Variants in CNTN5 observed in about 807,000 individuals in gnomAD.
The protein encoded by CNTN5 is contactin-5.
Under a neutral mutation model 129.1 loss-of-function variants are expected in CNTN5, and 77 were observed. The observed-to-expected ratio is 0.60, with a 90% CI of 0.50 to 0.72. CNTN5 has a LOEUF of 0.72. Ranked by LOEUF, CNTN5 falls within the 30% of genes least tolerant of loss-of-function variation. The pLI is 0.00. For missense variants in CNTN5, 1,478 were observed against 1,328.8 expected, an observed-to-expected ratio of 1.11 and a Z score of -1.75; for synonymous variants, 509 against 465.6, an observed-to-expected ratio of 1.09 and a Z score of -1.20.
intron 1 of CNTN5, among the ~76,000 whole-genome samples, chr11:99,188,711 G>A (rs1309691847): frequency 1.3e-5 from 2 of 151,554 alleles, no homozygotes; most frequent in Non-Finnish European, 3.0e-5. Context: ...ATGCTCGTTA[G>A]TATTTTTACT....
intron 3 of CNTN5, among the ~76,000 whole-genome samples, chr11:99,770,749 A>T (rs11827985): frequency 0.074 from 11,318 of 152,138 alleles, 753 homozygotes; most frequent in African/African-American, 0.18. Flanking sequence ...GTGATCTACA[A>T]GTTTAATGCA....
chr11:99,107,444 A>G (rs962755961), intron 1 of CNTN5, among the ~76,000 whole-genome samples: 3 of 152,150 alleles, frequency 2.0e-5, no homozygotes, highest in Admixed American at 2.0e-4. Context: ...AAGATTTTAC[A>G]TTACATATTT....
chr11:99,583,052 C>G (rs144580033), intron 3 of CNTN5, among the ~76,000 whole-genome samples: 6,259 of 152,328 alleles, frequency 0.041, 171 homozygotes, highest in South Asian at 0.087. Context: ...AGTCAGGACT[C>G]TCAGCTTCAG....
At chr11:99,672,606 A>C (rs1034130507) in intron 3 of CNTN5, among the ~76,000 whole-genome samples, 2 of 150,678 alleles carry the variant, frequency 1.3e-5, no homozygotes, top group African/African-American at 4.9e-5. Context: ...AGGAACTGAG[A>C]ATTCCAGAAG....
intron 15 of CNTN5, among the ~76,000 whole-genome samples, chr11:100,197,196 A>G (rs1948660825): frequency 6.6e-6 from 1 of 151,988 alleles, no homozygotes. Flanking sequence ...TTTTGGGAAC[A>G]GTGAGGAACC....
chr11:99,635,125 C>A (rs761509416), intron 3 of CNTN5, among the ~76,000 whole-genome samples: 1 of 152,140 alleles, frequency 6.6e-6, no homozygotes, highest in Non-Finnish European at 1.5e-5. Context: ...TTTTCACTTG[C>A]TATAATTGCT....
chr11:99,120,979 C>T (rs1337497823), intron 1 of CNTN5, among the ~76,000 whole-genome samples: 1 of 152,036 alleles, frequency 6.6e-6, no homozygotes, highest in Non-Finnish European at 1.5e-5. Flanking sequence ...TTACTTTCCA[C>T]CATAATTTTA....
At chr11:99,553,682 T>G (rs913880747) in intron 2 of CNTN5, among the ~76,000 whole-genome samples, 3 of 151,862 alleles carry the variant, frequency 2.0e-5, no homozygotes, top group African/African-American at 7.3e-5. Flanking sequence ...TTGATTTAAT[T>G]ATACTATATT....
intron 1 of CNTN5, among the ~76,000 whole-genome samples, chr11:99,080,193 A>G (rs1157246825): frequency 6.6e-6 from 1 of 152,210 alleles, no homozygotes; most frequent in East Asian, 1.9e-4. Flanking sequence ...ATTTAGCATA[A>G]GACTGTAAAG....
intron 9 of CNTN5, among the ~76,000 whole-genome samples, chr11:100,038,966 A>G (rs1028322254): frequency 6.6e-6 from 1 of 152,268 alleles, no homozygotes; most frequent in African/African-American, 2.4e-5. Context: ...TAGCCCATTT[A>G]CATTTAAGGT....
rs139765393 is a variant in CNTN5, at chr11:100,060,204, C to T, written c.981-1008C>T. On this transcript the variant is annotated intron_variant, in intron 9 of 24. Coordinates refer to ENST00000524871, the MANE Select transcript of CNTN5 (RefSeq NM_014361.4). The stretch of plus-strand genomic sequence containing the variant: ...CTTGGCGAAAGAGCAAGACTCTGTC[C>T]CAAAAAATATTAAAAAAAAAAAAAA... Among the ~76,000 whole-genome samples the T allele has an allele frequency of 8.3e-3, 1,212 of 145,910 alleles. 13 individuals carry two copies. The highest frequency in any genetic ancestry group is 0.025 in the African/African-American group (1,025 of 40,202).
intron 3 of CNTN5, among the ~76,000 whole-genome samples, chr11:99,772,059 A>C (rs910165085): frequency 8.8e-6 from 1 of 114,204 alleles, no homozygotes; most frequent in African/African-American, 3.8e-5. Context: ...GAACCTTAGA[A>C]ACTTCTGAGG....
intron 3 of CNTN5, among the ~76,000 whole-genome samples, chr11:99,637,295 A>G (rs1318372027): frequency 1.3e-5 from 2 of 152,238 alleles, no homozygotes; most frequent in Non-Finnish European, 2.9e-5. Context: ...CTTATAGCAT[A>G]TAAATGAATA....
Position 99,773,002 on chromosome 11 carries a change from AACTT to A in CNTN5, c.56-46536_56-46533del, listed in dbSNP as rs373248693. On this transcript the variant is annotated intron_variant, in intron 3 of 24. Transcript: ENST00000524871. ...GAGGTATAATATACACATAATGTAT[AACTT>A]ACTTATTATGCACAGGTGGTAAATT... 1.0e-3 allele frequency among the ~76,000 whole-genome samples: 153 copies of A among 152,226 alleles called. 1 individual carries two copies. Among genetic ancestry groups the A allele is most frequent in the East Asian group, 5.8e-3 (30 of 5,178 alleles).
chr11:99,848,580 A>T (rs1448541924), intron 6 of CNTN5, among the ~76,000 whole-genome samples: 3 of 152,158 alleles, frequency 2.0e-5, no homozygotes, highest in Admixed American at 6.5e-5. Flanking sequence ...AATCAGACTA[A>T]ATTTATAAAT....
chr11:100,234,936 G>T (rs1205667810), intron 16 of CNTN5, among the ~76,000 whole-genome samples: 1 of 151,754 alleles, frequency 6.6e-6, no homozygotes, highest in Non-Finnish European at 1.5e-5. Context: ...CCCCAATTCT[G>T]GGGCAAAACC....
intron 1 of CNTN5, among the ~76,000 whole-genome samples, chr11:99,261,786 A>C (rs969347174): frequency 5.3e-5 from 8 of 152,068 alleles, no homozygotes; most frequent in African/African-American, 1.9e-4. Context: ...AGTGACTTAC[A>C]CAAAGCATGT....
chr11:99,358,909 G>T (rs11219591), intron 2 of CNTN5, among the ~76,000 whole-genome samples: 2 of 151,844 alleles, frequency 1.3e-5, no homozygotes, highest in African/African-American at 2.4e-5. Flanking sequence ...GGAAAAAAAA[G>T]TAAAGCAAAA....
intron 6 of CNTN5, among the ~76,000 whole-genome samples, chr11:99,882,754 A>G (rs972229950): frequency 6.6e-6 from 1 of 152,172 alleles, no homozygotes; most frequent in African/African-American, 2.4e-5. Context: ...GTGCAATTCA[A>G]TTATTATTCG....
Sources: allele counts gnomAD v4.1 joint callset (sites outside exome capture counted in the v4.1 genomes callset), GRCh38; gene constraint gnomAD v4.1.1; transcripts MANE v1.5; gene names NCBI Gene and HGNC (gene_info 2026-07-23, HGNC 2026-07-21).